GDAP1L1: variants seen among roughly 807,000 people sequenced by gnomAD.
GDAP1L1 encodes ganglioside-induced differentiation-associated protein 1-like 1.
GDAP1L1 carries 21 observed loss-of-function variants against 37.1 expected under a neutral mutation model. That is an observed-to-expected ratio of 0.57 (90% CI 0.40 to 0.81). GDAP1L1 has a LOEUF of 0.81. Ranked by LOEUF, GDAP1L1 falls within the 40% of genes least tolerant of loss-of-function variation. The probability of loss-of-function intolerance (pLI) is 0.00; values close to 1 mark genes in which losing one functional copy is unlikely to be tolerated. For missense variants in GDAP1L1, 362 were observed against 491.6 expected (o/e 0.74, Z 2.49); for synonymous variants, 193 against 209.1 (o/e 0.92, Z 0.67).
At chr20:44,259,218 T>G (rs890610295) in intron 3 of GDAP1L1, among the ~76,000 whole-genome samples, 10 of 152,216 alleles carry the variant, frequency 6.6e-5, no homozygotes, top group African/African-American at 2.4e-4. Flanking sequence ...TTCATCCTTT[T>G]GTATCTGACA....
At position 44,279,255 on chromosome 20, in the gene GDAP1L1, G is replaced by A; in HGVS notation, c.1059G>A (p.Gly353=). 1.2e-6 allele frequency: 2 copies of A among 1,613,964 alleles called. No homozygotes were observed. The highest frequency in any genetic ancestry group is 1.7e-5 in the Admixed American group (1 of 60,012). Residue 353 remains glycine (G), a synonymous_variant, in exon 6 of 6, where the codon GGG becomes GGA. Transcript: ENST00000342560. ...GASFLMGSLG[G]MGYFAYWYLK... ...CCTTCCTCATGGGCTCCCTGGGTGG[G>A]ATGGGCTACTTTGCCTACTGGTACC...
Position 44,264,642 on chromosome 20 carries a change from G to A in GDAP1L1, c.760+83G>A, listed in dbSNP as rs757652912. The A allele has an allele frequency of 7.0e-5, 108 of 1,535,280 alleles. No homozygotes were observed. In the East Asian group the frequency reaches 8.6e-4, roughly 12 times the overall value. On this transcript the variant is annotated intron_variant, in intron 5 of 5. Coordinates refer to ENST00000342560, the MANE Select transcript of GDAP1L1 (RefSeq NM_024034.6). ...TGCCCAGTCTCAGCCTCTTTTTTCC[G>A]CAAAAGTCTCAGAGGACCTCCCAGG...
chr20:44,267,225 G>T (rs2146033145), intron 5 of GDAP1L1, among the ~76,000 whole-genome samples: 1 of 152,294 alleles, frequency 6.6e-6, no homozygotes, highest in African/African-American at 2.4e-5. Flanking sequence ...ACAACCCCAG[G>T]AGGTGGGTAA....
In GDAP1L1 at chr20:44,268,773, A is replaced by G. The variant is rs73907204; in HGVS notation, c.760+4214A>G. Among the ~76,000 whole-genome samples the G allele has an allele frequency of 6.9e-3, 1,045 of 152,236 alleles. 13 individuals carry two copies. The highest frequency in any genetic ancestry group is 0.024 in the African/African-American group (999 of 41,530). ...TTCAGGAATGGTCTGCTGTGTGGGG[A>G]GTCCTCGGGAAAGTGGTGGGAATGA... On this transcript the variant is annotated intron_variant, in intron 5 of 5. Coordinates refer to ENST00000342560, the MANE Select transcript of GDAP1L1 (RefSeq NM_024034.6).
chr20:44,251,290 A>T (rs1289187043), intron 1 of GDAP1L1, among the ~76,000 whole-genome samples: 1 of 152,138 alleles, frequency 6.6e-6, no homozygotes, highest in East Asian at 1.9e-4. Context: ...TGAGTCTCTG[A>T]GGGTCGTCTC....
intron 1 of GDAP1L1, among the ~76,000 whole-genome samples, chr20:44,256,946 C>T (rs185816457): frequency 5.3e-5 from 8 of 152,280 alleles, no homozygotes; most frequent in African/African-American, 1.7e-4. Flanking sequence ...CCTTTGTCCC[C>T]CAAGCAGAAC....
Position 44,279,222 on chromosome 20 carries a change from C to T in GDAP1L1, c.1026C>T (p.Phe342=), listed in dbSNP as rs201869807. ...RLVKRKPPSF[F]GASFLMGSLG... ...TCAAGAGGAAACCCCCATCCTTCTT[C>T]GGGGCGTCCTTCCTCATGGGCTCCC... is the stretch of plus-strand genomic sequence containing the variant. The change falls in exon 6 of 6, where the codon TTC becomes TTT. Residue 342 remains phenylalanine (F), a synonymous_variant. Transcript: ENST00000342560. 28 of 1,613,998 alleles carry T rather than the reference C, an allele frequency of 1.7e-5. No homozygotes were observed. Among genetic ancestry groups the T allele is most frequent in the East Asian group, 6.7e-5 (3 of 44,892 alleles).
At chr20:44,251,944 A>T (rs1187206102) in intron 1 of GDAP1L1, among the ~76,000 whole-genome samples, 1 of 152,202 alleles carries the variant, frequency 6.6e-6, no homozygotes, top group East Asian at 1.9e-4. Flanking sequence ...GTCTCATAAC[A>T]ACTGTCATGT....
At chr20:44,265,492 C>A in intron 5 of GDAP1L1, 1 of 985,026 alleles carries the variant, frequency 1.0e-6, no homozygotes, top group Non-Finnish European at 1.2e-6. Flanking sequence ...ATGGGAAGGC[C>A]GTAGAGCCCA....
At chr20:44,254,664 G>A (rs1340183790) in intron 1 of GDAP1L1, among the ~76,000 whole-genome samples, 5 of 152,178 alleles carry the variant, frequency 3.3e-5, no homozygotes, top group African/African-American at 4.8e-5. Context: ...GATCCAAGAT[G>A]AGGACTTGAG....
At chr20:44,264,848 G>T in intron 5 of GDAP1L1, 2 of 1,152,384 alleles carry the variant, frequency 1.7e-6, no homozygotes, top group South Asian at 3.5e-5. Context: ...AATAATACAC[G>T]TAGAGTGCTT....
At position 44,263,251 on chromosome 20, in the gene GDAP1L1, C is replaced by T. The variant is rs757543377; in HGVS notation, c.569C>T (p.Thr190Met). The T allele has an allele frequency of 1.1e-5, 18 of 1,613,908 alleles. No individual in the cohort carries two copies. The highest frequency in any genetic ancestry group is 4.0e-5 in the African/African-American group (3 of 74,892). The change falls in exon 4 of 6, where the codon ACG (threonine) becomes ATG (methionine). Residue 190 changes from threonine (T) to methionine (M), a missense_variant. Coordinates refer to ENST00000342560, the MANE Select transcript of GDAP1L1 (RefSeq NM_024034.6). ...CCAGGACATTTAGCCAATGCCACCA[C>T]GGACCTCATGAAACTGGACCATGAA... Reference protein sequence around the residue: ...EIRRHLANATTDLMKLDHEEE... With the variant: ...EIRRHLANATMDLMKLDHEEE...
At chr20:44,252,445 G>A (rs2073463133) in intron 1 of GDAP1L1, among the ~76,000 whole-genome samples, 1 of 152,208 alleles carries the variant, frequency 6.6e-6, no homozygotes. Flanking sequence ...GTTGAGACCA[G>A]CCTGACCAAC....
chr20:44,256,280 G>A (rs1421722066), intron 1 of GDAP1L1, among the ~76,000 whole-genome samples: 1 of 152,148 alleles, frequency 6.6e-6, no homozygotes, highest in Non-Finnish European at 1.5e-5. Context: ...AGGTGTTTGG[G>A]GGAAATAAAG....
intron 5 of GDAP1L1, among the ~76,000 whole-genome samples, chr20:44,269,416 G>A (rs529795834): frequency 6.6e-6 from 1 of 152,188 alleles, no homozygotes; most frequent in Non-Finnish European, 1.5e-5. Flanking sequence ...GGGCTGAGTT[G>A]TTCCGGTTTT....
upstream of GDAP1L1, chr20:44,247,154 A>T: frequency 1.6e-6 from 1 of 635,178 alleles, no homozygotes; most frequent in Non-Finnish European, 2.7e-6. Flanking sequence ...CAGGGGGAGG[A>T]GGAGAAAGGA....
At chr20:44,265,225 C>T in intron 5 of GDAP1L1, 1 of 985,360 alleles carries the variant, frequency 1.0e-6, no homozygotes, top group Non-Finnish European at 1.2e-6. Flanking sequence ...CCCAGCTGGG[C>T]CTCTAAACTT....
rs8122493 is a variant in GDAP1L1 at position 44,280,169 on chromosome 20, C to T, written c.*869C>T. The T allele has an allele frequency of 8.4e-6, 2 of 237,660 alleles. No individual in the cohort carries two copies. The highest frequency in any genetic ancestry group is 5.1e-5 in the Admixed American group (1 of 19,558). 14.7% of individuals were successfully genotyped at this position (237,660 alleles called of 1,614,324 possible). On this transcript the variant is annotated 3_prime_UTR_variant, in exon 6 of 6. Transcript: ENST00000342560. ...TGTCCAAGCCATCTCCTTCAATATC[C>T]CCCCCTTCCTGTCACTCCCGGGGCT...
chr20:44,269,863 G>T (rs569228974), intron 5 of GDAP1L1, among the ~76,000 whole-genome samples: 1 of 152,142 alleles, frequency 6.6e-6, no homozygotes, highest in African/African-American at 2.4e-5. Flanking sequence ...CCTGGGAGGC[G>T]GAGGTTGCAG....
Sources: gnomAD v4.1 joint callset for allele counts (sites outside exome capture counted in the v4.1 genomes callset) on GRCh38, gnomAD v4.1.1 for gene constraint, MANE v1.5 for transcripts, NCBI Gene and HGNC (gene_info 2026-07-23, HGNC 2026-07-21) for gene names.